Variants in NMBR observed in about 807,000 individuals in gnomAD.
The protein encoded by NMBR is neuromedin-B receptor.
Under a neutral mutation model 20.5 loss-of-function variants are expected in NMBR, and 16 were observed. That is an observed-to-expected ratio of 0.78 (90% CI 0.53 to 1.19). The LOEUF (loss-of-function observed/expected upper bound fraction) is 1.19, where lower values mean the gene tolerates loss of function less well. NMBR is among the 50% of genes most tolerant of loss of function. The probability of loss-of-function intolerance (pLI) is 0.00; values close to 1 mark genes in which losing one functional copy is unlikely to be tolerated. For missense variants in NMBR, 582 were observed against 499.1 expected, an observed-to-expected ratio of 1.17 and a Z score of -1.58; for synonymous variants, 212 against 196.6, an observed-to-expected ratio of 1.08 and a Z score of -0.65.
At chr6:142,120,079 A>T (rs1402997064) in intron 1 of NMBR, among the ~76,000 whole-genome samples, 1 of 151,976 alleles carries the variant, frequency 6.6e-6, no homozygotes, top group Admixed American at 6.6e-5. Flanking sequence ...CAATGATCTT[A>T]ACTCTTAAGA....
intron 1 of NMBR, among the ~76,000 whole-genome samples, chr6:142,139,222 C>G (rs1778322526): frequency 6.6e-6 from 1 of 152,272 alleles, no homozygotes; most frequent in Non-Finnish European, 1.5e-5. Context: ...CCAAAAAATC[C>G]CACAGAAGAC....
At chr6:142,085,812 C>A (rs1019128689) in intron 2 of NMBR, among the ~76,000 whole-genome samples, 1 of 152,016 alleles carries the variant, frequency 6.6e-6, no homozygotes, top group Non-Finnish European at 1.5e-5. Context: ...GGCAAAGACA[C>A]TTAGGCCATC....
chr6:142,142,050 G>A (rs920977666), intron 1 of NMBR, among the ~76,000 whole-genome samples: 2 of 152,112 alleles, frequency 1.3e-5, no homozygotes, highest in African/African-American at 2.4e-5. Context: ...ACCTTGAAGC[G>A]ATTGTAAGGA....
chr6:142,134,869 G>T, intron 1 of NMBR: 1 of 627,532 alleles, frequency 1.6e-6, no homozygotes, highest in Non-Finnish European at 2.8e-6. Context: ...ATTATTTGTT[G>T]CTGAGATTTT....
chr6:142,093,763 C>T (rs1263876159), intron 1 of NMBR, among the ~76,000 whole-genome samples: 1 of 152,108 alleles, frequency 6.6e-6, no homozygotes, highest in Non-Finnish European at 1.5e-5. Context: ...GTTTACAGTC[C>T]CACCAACAGT....
Position 142,074,748 on chromosome 6 carries a change from G to A in NMBR, c.*900C>T, listed in dbSNP as rs183983752. ...TCTATACACAATCATCCAAATATTC[G>A]AGGATTTAGCAATGTATACTAAGAT... On this transcript the variant is annotated 3_prime_UTR_variant, in exon 4 of 4. Coordinates refer to ENST00000258042, the MANE Select transcript of NMBR (RefSeq NM_002511.4). Among the ~76,000 whole-genome samples, 141 of 152,148 alleles carry A rather than the reference G, an allele frequency of 9.3e-4. 1 individual carries two copies. The highest frequency in any genetic ancestry group is 3.2e-3 in the African/African-American group (134 of 41,500).
At chr6:142,090,705 C>A (rs898325739) in intron 1 of NMBR, among the ~76,000 whole-genome samples, 1 of 151,348 alleles carries the variant, frequency 6.6e-6, no homozygotes, top group African/African-American at 2.4e-5. Context: ...ATTTTATCTC[C>A]AAAGTTATTT....
chr6:142,098,431 T>G (rs910228166), intron 1 of NMBR, among the ~76,000 whole-genome samples: 1 of 152,146 alleles, frequency 6.6e-6, no homozygotes, highest in Admixed American at 6.6e-5. Flanking sequence ...TTAGAAAATC[T>G]GAAAGAATCA....
At position 142,088,262 on chromosome 6, in the gene NMBR, T is replaced by A; in HGVS notation, c.397A>T (p.Thr133Ser). Residue 133 changes from threonine to serine, a missense_variant, in exon 2 of 4, where the codon ACT becomes TCT. Physicochemically the swap from Thr to Ser is moderately conservative, Grantham distance 58. Coordinates refer to ENST00000258042, the MANE Select transcript of NMBR (RefSeq NM_002511.4). Reference protein sequence around the residue: ...QLTSVGVSVFTLTALSADRYR... With the variant: ...QLTSVGVSVFSLTALSADRYR... ...CTGTCGGCGCTGAGGGCAGTGAGAGTGAACACGGAAACCCCCACGGAAGTG... is the reference window on the plus strand; with the variant it reads ...CTGTCGGCGCTGAGGGCAGTGAGAGAGAACACGGAAACCCCCACGGAAGTG... 1 of 1,612,532 alleles carries A rather than the reference T, an allele frequency of 6.2e-7. No individual in the cohort carries two copies. The highest frequency in any genetic ancestry group is 1.1e-5 in the South Asian group (1 of 91,044).
chr6:142,115,740 G>A (rs896964846), intron 1 of NMBR, among the ~76,000 whole-genome samples: 1 of 152,040 alleles, frequency 6.6e-6, no homozygotes, highest in African/African-American at 2.4e-5. Context: ...TAGATTTAAT[G>A]TTTGCTCCTG....
At chr6:142,079,150 G>GAAAA (rs1562390303) in intron 2 of NMBR, among the ~76,000 whole-genome samples, 2,227 of 76,426 alleles carry the variant, frequency 0.029, 44 homozygotes, top group Admixed American at 0.058. Context: ...AGAAAAAGAA[G>GAAAA]AGAGGAGAGG....
At chr6:142,141,407 A>G (rs568035681) in intron 1 of NMBR, among the ~76,000 whole-genome samples, 8 of 152,360 alleles carry the variant, frequency 5.3e-5, no homozygotes, top group African/African-American at 1.7e-4. Context: ...GAAAGCAGTT[A>G]AAACAGTGTT....
At chr6:142,126,620 A>G (rs570961385) in intron 1 of NMBR, among the ~76,000 whole-genome samples, 1 of 151,848 alleles carries the variant, frequency 6.6e-6, no homozygotes, top group East Asian at 1.9e-4. Context: ...GTGATATCTT[A>G]TTGTGATTTT....
chr6:142,125,421 CCATATACACATATACATGTGCATG>C (rs1163630490), intron 1 of NMBR, among the ~76,000 whole-genome samples: 108 of 65,456 alleles, frequency 1.6e-3, no homozygotes, highest in Middle Eastern at 0.014. Flanking sequence ...TACATTTCAA[CCATATACACATATACATGTGCATG>C]CATATACACA....
rs754255341 is a variant in NMBR at position 142,076,077 on chromosome 6, G to A, written c.772-28C>T. ...GCAAATATAAGAAATTGATCCCATT[G>A]GTTAAAGTGAAAATGGAACCAGCCA... On this transcript the variant is annotated intron_variant, in intron 3 of 3. Transcript: ENST00000258042. 1.2e-5 allele frequency: 18 copies of A among 1,528,506 alleles called. No individual in the cohort carries two copies. The Admixed American group carries it at 1.8e-4, about 15-fold the overall frequency. 94.7% of individuals were successfully genotyped at this position (1,528,506 alleles called of 1,614,324 possible). A position where few individuals can be genotyped will look rare whatever the true frequency, so the allele number is the denominator to read the frequency against.
chr6:142,109,329 C>A (rs1428707525), intron 1 of NMBR, among the ~76,000 whole-genome samples: 2 of 152,090 alleles, frequency 1.3e-5, no homozygotes, highest in Non-Finnish European at 2.9e-5. Flanking sequence ...CTGCAAAAGT[C>A]ACTGGGACTC....
chr6:142,098,067 T>C (rs2114577766), intron 1 of NMBR, among the ~76,000 whole-genome samples: 1 of 152,056 alleles, frequency 6.6e-6, no homozygotes, highest in Admixed American at 6.6e-5. Flanking sequence ...AGTGGCCCAA[T>C]GTGACTACAG....
chr6:142,129,936 G>A (rs919885771), intron 1 of NMBR, among the ~76,000 whole-genome samples: 3 of 152,068 alleles, frequency 2.0e-5, no homozygotes, highest in African/African-American at 4.8e-5. Flanking sequence ...TCCAGAGCCC[G>A]TGATCTTAGG....
chr6:142,103,177 C>G (rs958681208), intron 1 of NMBR, among the ~76,000 whole-genome samples: 2 of 152,124 alleles, frequency 1.3e-5, no homozygotes, highest in African/African-American at 2.4e-5. Flanking sequence ...ACCATGGAGT[C>G]TAATCCTTGG....
Sources: gnomAD v4.1 joint callset for allele counts (sites outside exome capture counted in the v4.1 genomes callset) on GRCh38, gnomAD v4.1.1 for gene constraint, MANE v1.5 for transcripts, NCBI Gene and HGNC (gene_info 2026-07-23, HGNC 2026-07-21) for gene names.